The following FOXL2 variants were observed in gnomAD, a reference collection of about 807,000 sequenced individuals.
FOXL2 encodes the protein forkhead box protein L2.
FOXL2 carries 3 observed loss-of-function variants against 2.5 expected under a neutral mutation model. The observed-to-expected ratio is 1.20, with a 90% CI of 0.55 to 3.11. The LOEUF (loss-of-function observed/expected upper bound fraction) is 3.11, where lower values mean the gene tolerates loss of function less well. FOXL2 is among the 30% of genes most tolerant of loss of function. The pLI is 0.03. For synonymous variants in FOXL2, 315 were observed against 269.4 expected, an observed-to-expected ratio of 1.17 and a Z score of -1.66; for missense variants, 512 against 570.0, an observed-to-expected ratio of 0.90 and a Z score of 1.04.
chr3:138,946,191 C>A lies in FOXL2; in HGVS notation c.532G>T (p.Val178Leu), dbSNP rs1364484941. ...TAGCCGTCGGCCCCGGCGCCCGCCA[C>A]GCCGCACCCGCCTGCGGCGCCTCCG... is the stretch of plus-strand genomic sequence containing the variant. ...GAGGAAGGCG[V>L]AGAGADGYGY... Residue 178 changes from valine (V) to leucine (L), a missense_variant, in exon 1 of 1, where the codon GTG becomes TTG. Coordinates refer to ENST00000648323, the MANE Select transcript of FOXL2 (RefSeq NM_023067.4). 2 of 1,490,712 alleles carry A rather than the reference C, an allele frequency of 1.3e-6. No homozygotes were observed. Among genetic ancestry groups the A allele is most frequent in the Non-Finnish European group, 1.8e-6 (2 of 1,126,726 alleles). The allele number at this position is 1,490,712 out of a possible 1,614,324, so 92.3% of individuals were successfully genotyped here. A position where few individuals can be genotyped will look rare whatever the true frequency, so the allele number is the denominator to read the frequency against.
chr3:138,946,005 C>T lies in FOXL2; in HGVS notation c.718G>A (p.Gly240Ser), dbSNP rs767088367. ...AGCCCCTTGACCACAGCGGCCGCGC[C>T]AGGGCTACCGGGGCCCGCGGCTGCA... ...AAAAAGPGSP[G>S]AAAVVKGLAG... is the part of the protein sequence containing the mutation. The change falls in exon 1 of 1, where the codon GGC (glycine) becomes AGC (serine). Residue 240 changes from glycine to serine, a missense_variant. Gly to Ser is a moderately conservative substitution (Grantham distance 56, BLOSUM62 0). This residue lies in a region of FOXL2 where 287 missense variants were observed against 277.4 expected (regional missense o/e 1.03). Transcript: ENST00000648323. 392 of 1,396,742 alleles carry T rather than the reference C, an allele frequency of 2.8e-4. No homozygotes were observed. Among genetic ancestry groups the T allele is most frequent in the Non-Finnish European group, 3.5e-4 (379 of 1,088,712 alleles). The allele number at this position is 1,396,742 out of a possible 1,614,324, so 86.5% of individuals were successfully genotyped here.
rs1935922671 is a variant in FOXL2, at chr3:138,945,172, G to A, written c.*420C>T. ...GCCATGGACTGCACGGCAGTCGGGC[G>A]GGGAACGCGGAGAGCGAGCGCACCG... On this transcript the variant is annotated 3_prime_UTR_variant, in exon 1 of 1. Coordinates refer to ENST00000648323, the MANE Select transcript of FOXL2 (RefSeq NM_023067.4). 4.1e-6 allele frequency: 1 copy of A among 246,212 alleles called. No homozygotes were observed. Among genetic ancestry groups the A allele is most frequent in the African/African-American group, 2.2e-5 (1 of 46,068 alleles). The allele number at this position is 246,212 out of a possible 1,614,324, so 15.3% of individuals were successfully genotyped here.
Position 138,945,439 on chromosome 3 carries a change from C to A in FOXL2, c.*153G>T. On this transcript the variant is annotated 3_prime_UTR_variant, in exon 1 of 1. Coordinates refer to ENST00000648323, the MANE Select transcript of FOXL2 (RefSeq NM_023067.4). ...GAGGAGCGACAGGAGCTTAGGAAAG[C>A]GAAAAAGCACAGAGGGACCCTGGGC... 2 of 1,351,792 alleles carry A rather than the reference C, an allele frequency of 1.5e-6. No homozygotes were observed. The highest frequency in any genetic ancestry group is 2.0e-6 in the Non-Finnish European group (2 of 1,011,252). 83.7% of individuals were successfully genotyped at this position (1,351,792 alleles called of 1,614,324 possible). A position where few individuals can be genotyped will look rare whatever the true frequency, so the allele number is the denominator to read the frequency against.
rs1326909413 is a variant in FOXL2 at position 138,946,678 on chromosome 3, C to A, written c.45G>T (p.Leu15=). The stretch of plus-strand genomic sequence containing the variant: ...CTGTGCGACCGGTCTCTGGGGCCAG[C>A]AGGGCCCCCGCCGCGTCCTCGGGCT... ...YPEPEDAAGA[L]LAPETGRTVK... The change falls in exon 1 of 1, where the codon CTG becomes CTT. Residue 15 remains leucine, a synonymous_variant. Coordinates refer to ENST00000648323, the MANE Select transcript of FOXL2 (RefSeq NM_023067.4). 6.4e-7 allele frequency: 1 copy of A among 1,567,328 alleles called. No individual in the cohort carries two copies. The highest frequency in any genetic ancestry group is 1.2e-5 in the South Asian group (1 of 86,816).
chr3:138,946,658 C>T lies in FOXL2; in HGVS notation c.65G>A (p.Arg22His), dbSNP rs1455189436. ...CGGCCCTTCTGGCTCCTTGACTGTG[C>T]GACCGGTCTCTGGGGCCAGCAGGGC... ...AGALLAPETG[R>H]TVKEPEGPPP... is the part of the protein sequence containing the mutation. Residue 22 changes from arginine to histidine, a missense_variant, in exon 1 of 1, where the codon CGC becomes CAC. By Grantham distance (29) the Arg-to-His change is conservative. Around this residue, in one of 5 missense-constraint regions of FOXL2, gnomAD observed 92 missense variants for 77.8 expected, o/e 1.18. Coordinates refer to ENST00000648323, the MANE Select transcript of FOXL2 (RefSeq NM_023067.4). The T allele has an allele frequency of 6.3e-7, 1 of 1,583,170 alleles. No individual in the cohort carries two copies. The highest frequency in any genetic ancestry group is 8.6e-7 in the Non-Finnish European group (1 of 1,168,084).
chr3:138,946,358 T>C lies in FOXL2; in HGVS notation c.365A>G (p.Glu122Gly). 1.9e-6 allele frequency: 3 copies of C among 1,614,040 alleles called. No homozygotes were observed. The highest frequency in any genetic ancestry group is 2.5e-6 in the Non-Finnish European group (3 of 1,179,974). The change falls in exon 1 of 1, where the codon GAG becomes GGG. Residue 122 changes from glutamate (E) to glycine (G), a missense_variant. Glu to Gly is a moderately conservative substitution (Grantham distance 98). This residue lies in a region of FOXL2 where 63 missense variants were observed against 138.9 expected (regional missense o/e 0.45). Transcript: ENST00000648323. ...FIKVPREGGG[E>G]RKGNYWTLDP... ...CAGCGTCCAGTAGTTGCCCTTGCGCTCGCCGCCGCCCTCGCGCGGCACCTT... is the reference window on the plus strand; with the variant it reads ...CAGCGTCCAGTAGTTGCCCTTGCGCCCGCCGCCGCCCTCGCGCGGCACCTT...
Position 138,945,633 on chromosome 3 carries a change from C to A in FOXL2, c.1090G>T (p.Asp364Tyr), listed in dbSNP as rs1391490719. The A allele has an allele frequency of 6.2e-7, 1 of 1,610,786 alleles. No individual in the cohort carries two copies. Residue 364 changes from aspartate to tyrosine, a missense_variant, in exon 1 of 1, where the codon GAC (aspartate) becomes TAC (tyrosine). Physicochemically the swap from Asp to Tyr is radical, Grantham distance 160. Around this residue, in one of 5 missense-constraint regions of FOXL2, gnomAD observed 66 missense variants for 58.3 expected, o/e 1.13. Coordinates refer to ENST00000648323, the MANE Select transcript of FOXL2 (RefSeq NM_023067.4). ...AMMHCSYWDH[D>Y]SKTGALHSRL... The stretch of plus-strand genomic sequence containing the variant: ...GAATGCAGCGCGCCGGTCTTGCTGT[C>A]GTGGTCCCAGTAAGAGCAATGCATC...
At position 138,946,175 on chromosome 3, in the gene FOXL2, G is replaced by A. The variant is rs2107744094; in HGVS notation, c.548C>T (p.Ala183Val). ...GGGCGCCAGGTAGCCGTAGCCGTCG[G>A]CCCCGGCGCCCGCCACGCCGCACCC... The part of the protein sequence containing the change: ...AGGCGVAGAG[A>V]DGYGYLAPPK... The change falls in exon 1 of 1, where the codon GCC becomes GTC. Residue 183 changes from alanine (A) to valine (V), a missense_variant. By Grantham distance (64) the Ala-to-Val change is moderately conservative (BLOSUM62 0). Transcript: ENST00000648323. The A allele has an allele frequency of 6.7e-7, 1 of 1,482,098 alleles. No homozygotes were observed. Among genetic ancestry groups the A allele is most frequent in the Non-Finnish European group, 8.9e-7 (1 of 1,123,328 alleles). The allele number at this position is 1,482,098 out of a possible 1,614,324, so 91.8% of individuals were successfully genotyped here.
Position 138,946,513 on chromosome 3 carries a change from G to A in FOXL2, c.210C>T (p.Ser70=), listed in dbSNP as rs2107744863. ...CGGACAGCGTGAGCCTCTTCTCCGC[G>A]CTCTCGCGGATCGCCATGGCGATGA... is the stretch of plus-strand genomic sequence containing the variant. ...VALIAMAIRE[S]AEKRLTLSGI... is the part of the protein sequence containing the mutation. Residue 70 remains serine (S), a synonymous_variant, in exon 1 of 1, where the codon AGC becomes AGT. Transcript: ENST00000648323. The A allele has an allele frequency of 6.2e-7, 1 of 1,613,828 alleles. No homozygotes were observed. Among genetic ancestry groups the A allele is most frequent in the Non-Finnish European group, 8.5e-7 (1 of 1,180,014 alleles).
chr3:138,945,241 TCGCACCTCCGCCCC>T lies in FOXL2; in HGVS notation c.*337_*350del. 4.1e-6 allele frequency: 1 copy of T among 243,394 alleles called. No individual in the cohort carries two copies. Among genetic ancestry groups the T allele is most frequent in the Non-Finnish European group, 8.0e-6 (1 of 124,834 alleles). 15.1% of individuals were successfully genotyped at this position (243,394 alleles called of 1,614,324 possible). A position where few individuals can be genotyped will look rare whatever the true frequency, so the allele number is the denominator to read the frequency against. ...AGAGGTCTGCGCTGCCGACGCCCGGTCGCACCTCCGCCCCGGGCCCTTTCCGCGGTGAATTTGGG... is the reference window on the plus strand; with the variant it reads ...AGAGGTCTGCGCTGCCGACGCCCGGTGGGCCCTTTCCGCGGTGAATTTGGG... On this transcript the variant is annotated 3_prime_UTR_variant, in exon 1 of 1. Transcript: ENST00000648323.
In FOXL2 at chr3:138,946,514, C is replaced by G; in HGVS notation, c.209G>C (p.Ser70Thr). The change falls in exon 1 of 1, where the codon AGC becomes ACC. Residue 70 changes from serine to threonine, a missense_variant. By Grantham distance (58) the Ser-to-Thr change is moderately conservative. Coordinates refer to ENST00000648323, the MANE Select transcript of FOXL2 (RefSeq NM_023067.4). ...GGACAGCGTGAGCCTCTTCTCCGCG[C>G]TCTCGCGGATCGCCATGGCGATGAG... is the stretch of plus-strand genomic sequence containing the variant. ...VALIAMAIRE[S>T]AEKRLTLSGI... 6.2e-7 allele frequency: 1 copy of G among 1,613,864 alleles called. No individual in the cohort carries two copies. Among genetic ancestry groups the G allele is most frequent in the South Asian group, 1.1e-5 (1 of 91,090 alleles).
In FOXL2 at chr3:138,945,564, T is replaced by C. The variant is rs776721117; in HGVS notation, c.*28A>G. The C allele has an allele frequency of 3.7e-6, 6 of 1,600,916 alleles. No individual in the cohort carries two copies. The African/African-American group carries it at 6.7e-5, about 18-fold the overall frequency. ...CGTCGCGCGTCCCTGCATCCTCGCATCCGTCTGCACCGGCATGCGGTGGGC... is the reference window on the plus strand; with the variant it reads ...CGTCGCGCGTCCCTGCATCCTCGCACCCGTCTGCACCGGCATGCGGTGGGC... On this transcript the variant is annotated 3_prime_UTR_variant, in exon 1 of 1. Transcript: ENST00000648323.
Position 138,945,510 on chromosome 3 carries a change from G to T in FOXL2, c.*82C>A. 3.2e-6 allele frequency: 5 copies of T among 1,543,332 alleles called. No homozygotes were observed. Among genetic ancestry groups the T allele is most frequent in the Non-Finnish European group, 4.4e-6 (5 of 1,141,408 alleles). On this transcript the variant is annotated 3_prime_UTR_variant, in exon 1 of 1. Transcript: ENST00000648323. Reference sequence around the variant, plus strand: ...CAGAGGGTGTGAGGTCAGGCTGGCGGCGGCGTCGTCGGCTGCGACCGGGGC... The same window carrying T: ...CAGAGGGTGTGAGGTCAGGCTGGCGTCGGCGTCGTCGGCTGCGACCGGGGC...
At position 138,945,379 on chromosome 3, in the gene FOXL2, G is replaced by T; in HGVS notation, c.*213C>A. On this transcript the variant is annotated 3_prime_UTR_variant, in exon 1 of 1. Transcript: ENST00000648323. ...AGTGCAAGGTCACAGAGGTCAGGGA[G>T]GTGAGCACAGGAGGACATAAACTGA... 1 of 725,012 alleles carries T rather than the reference G, an allele frequency of 1.4e-6. No individual in the cohort carries two copies. The highest frequency in any genetic ancestry group is 2.1e-6 in the Non-Finnish European group (1 of 474,894). The allele number at this position is 725,012 out of a possible 1,614,324, so 44.9% of individuals were successfully genotyped here.
chr3:138,944,441 C>G lies in FOXL2; in HGVS notation c.*1151G>C. 8.6e-6 allele frequency: 2 copies of G among 233,026 alleles called. No individual in the cohort carries two copies. The highest frequency in any genetic ancestry group is 1.8e-4 in the South Asian group (1 of 5,526). The allele number at this position is 233,026 out of a possible 1,614,324, so 14.4% of individuals were successfully genotyped here. On this transcript the variant is annotated 3_prime_UTR_variant, in exon 1 of 1. Transcript: ENST00000648323. ...CTGCCGGGTTTCACATTTCTCCTTC[C>G]CAAGGTGGGAGAAGCAGGAGGTTTG...
Position 138,946,585 on chromosome 3 carries a change from C to A in FOXL2, c.138G>T (p.Pro46=). ...KGGGGGGGTA[P]EKPDPAQKPP... ...GCTTCTGCGCCGGGTCCGGCTTCTC[C>A]GGGGCTGTCCCGCCGCCACCCCCAC... Residue 46 remains proline (P), a synonymous_variant, in exon 1 of 1, where the codon CCG becomes CCT. Coordinates refer to ENST00000648323, the MANE Select transcript of FOXL2 (RefSeq NM_023067.4). The A allele has an allele frequency of 1.9e-6, 3 of 1,606,938 alleles. No homozygotes were observed. The highest frequency in any genetic ancestry group is 2.2e-5 in the South Asian group (2 of 91,018).
At position 138,944,811 on chromosome 3, in the gene FOXL2, CTT is replaced by C. The variant is rs35050049; in HGVS notation, c.*779_*780del. The stretch of plus-strand genomic sequence containing the variant: ...CCGGTTGCCCGGTGAATTTTTTTTC[CTT>C]TTTTTTTTTTTAAATACTCTCTTAA... On this transcript the variant is annotated 3_prime_UTR_variant, in exon 1 of 1. Coordinates refer to ENST00000648323, the MANE Select transcript of FOXL2 (RefSeq NM_023067.4). 38 of 212,420 alleles carry C rather than the reference CTT, an allele frequency of 1.8e-4. No individual in the cohort carries two copies. The highest frequency in any genetic ancestry group is 2.9e-3 in the Middle Eastern group (2 of 696). 13.2% of individuals were successfully genotyped at this position (212,420 alleles called of 1,614,324 possible). A position where few individuals can be genotyped will look rare whatever the true frequency, so the allele number is the denominator to read the frequency against.
At position 138,945,097 on chromosome 3, in the gene FOXL2, C is replaced by T; in HGVS notation, c.*495G>A. 1 of 235,098 alleles carries T rather than the reference C, an allele frequency of 4.3e-6. No individual in the cohort carries two copies. The highest frequency in any genetic ancestry group is 5.9e-5 in the East Asian group (1 of 16,888). 14.6% of individuals were successfully genotyped at this position (235,098 alleles called of 1,614,324 possible). On this transcript the variant is annotated 3_prime_UTR_variant, in exon 1 of 1. Coordinates refer to ENST00000648323, the MANE Select transcript of FOXL2 (RefSeq NM_023067.4). ...GGAGCAAACACACGTATTGGTCCGT[C>T]CCTTTCTCGGGCAGCGCGGTCCCGC...
In FOXL2 at chr3:138,945,457, C is replaced by A. The variant is rs1935932072; in HGVS notation, c.*135G>T. 7 of 1,449,130 alleles carry A rather than the reference C, an allele frequency of 4.8e-6. No individual in the cohort carries two copies. Among genetic ancestry groups the A allele is most frequent in the Admixed American group, 4.1e-5 (2 of 48,224 alleles). 89.8% of individuals were successfully genotyped at this position (1,449,130 alleles called of 1,614,324 possible). ...AGGAAAGCGAAAAAGCACAGAGGGA[C>A]CCTGGGCGCTGGCTCCAGAGGCGGG... On this transcript the variant is annotated 3_prime_UTR_variant, in exon 1 of 1. Transcript: ENST00000648323.
Sources: allele counts gnomAD v4.1 joint callset, GRCh38; gene constraint gnomAD v4.1.1; regional missense constraint gnomAD v4.1.1; transcripts MANE v1.5; gene names NCBI Gene and HGNC (gene_info 2026-07-23, HGNC 2026-07-21).